DMXL2: variants seen among roughly 807,000 people sequenced by gnomAD.
The protein encoded by DMXL2 is dmX-like protein 2.
A neutral mutation model predicts 331.1 loss-of-function variants in DMXL2; 103 were observed. The observed-to-expected ratio is 0.31, with a 90% CI of 0.27 to 0.37. The LOEUF (loss-of-function observed/expected upper bound fraction) is 0.37, where lower values mean the gene tolerates loss of function less well. Among genes scored for constraint, DMXL2 ranks in the 10% least tolerant of loss-of-function variants. The pLI is 1.00. For synonymous variants in DMXL2, 1,281 were observed against 1,252.1 expected (o/e 1.02, Z -0.49); for missense variants, 3,171 against 3,642.9 (o/e 0.87, Z 3.33).
At chr15:51,616,947 A>T in intron 1 of DMXL2, among the ~76,000 whole-genome samples, 1 of 151,500 alleles carries the variant, frequency 6.6e-6, no homozygotes, top group Middle Eastern at 3.4e-3. Flanking sequence ...AAAAAAAAAA[A>T]AAAAAAAAAA....
intron 1 of DMXL2, among the ~76,000 whole-genome samples, chr15:51,614,024 C>T (rs1180676726): frequency 2.0e-5 from 3 of 152,092 alleles, no homozygotes; most frequent in South Asian, 2.1e-4. Flanking sequence ...TAACTACCAA[C>T]GTGACTGTGT....
At chr15:51,503,302 C>T (rs2043814598) in intron 16 of DMXL2, among the ~76,000 whole-genome samples, 1 of 152,002 alleles carries the variant, frequency 6.6e-6, no homozygotes, top group Non-Finnish European at 1.5e-5. Context: ...TCACAACAGC[C>T]AAGACATAAA....
chr15:51,575,971 A>ATACATAT (rs1440348167), intron 2 of DMXL2, 85 bp downstream of exon 2: 1 of 1,361,414 alleles, frequency 7.3e-7, no homozygotes, highest in East Asian at 2.3e-5. Flanking sequence ...AATTATACGC[A>ATACATAT]AGCTTTGCAT....
At position 51,538,988 on chromosome 15, in the gene DMXL2, T is replaced by C. The variant is rs1407523306; in HGVS notation, c.1106-536A>G. 2.6e-5 allele frequency among the ~76,000 whole-genome samples: 4 copies of C among 151,766 alleles called. No homozygotes were observed. The East Asian group carries it at 5.8e-4, about 22-fold the overall frequency. ...ATTTTGGGAGGGAGAGGCGGGTGGA[T>C]TGCCTGAGCTCAGGAGATCGAGACC... On this transcript the variant is annotated intron_variant, in intron 9 of 43. Transcript: ENST00000560891.
At chr15:51,566,240 T>G (rs1391487311) in intron 3 of DMXL2, among the ~76,000 whole-genome samples, 4 of 13,976 alleles carry the variant, frequency 2.9e-4, no homozygotes, top group African/African-American at 7.7e-4. Flanking sequence ...GGGGTGTGTG[T>G]GTGTGTGTGT....
chr15:51,569,984 C>A (rs1001019401), intron 2 of DMXL2, among the ~76,000 whole-genome samples: 1 of 152,022 alleles, frequency 6.6e-6, no homozygotes, highest in Admixed American at 6.6e-5. Context: ...TGGGTAATAA[C>A]AAACTCCTCC....
chr15:51,521,436 T>C (rs766511723), intron 13 of DMXL2, among the ~76,000 whole-genome samples: 16 of 148,980 alleles, frequency 1.1e-4, no homozygotes, highest in African/African-American at 5.0e-5. Flanking sequence ...GTAGTAGTAG[T>C]AGTAGTAGTA....
chr15:51,472,455 A>G (rs1313733074), intron 28 of DMXL2, among the ~76,000 whole-genome samples: 2 of 152,060 alleles, frequency 1.3e-5, no homozygotes, highest in Non-Finnish European at 2.9e-5. Flanking sequence ...TGCAACCACC[A>G]CCTCTATCTA....
chr15:51,577,507 C>T (rs998282420), intron 1 of DMXL2, among the ~76,000 whole-genome samples: 2 of 152,134 alleles, frequency 1.3e-5, no homozygotes, highest in Admixed American at 6.5e-5. Flanking sequence ...TGGAGAAAAT[C>T]ACTCACAGGA....
intron 23 of DMXL2, among the ~76,000 whole-genome samples, chr15:51,483,471 T>C (rs2140383983): frequency 6.6e-6 from 1 of 152,262 alleles, no homozygotes; most frequent in East Asian, 1.9e-4. Flanking sequence ...CATCACACTT[T>C]TGGTCAGAGA....
intron 42 of DMXL2, among the ~76,000 whole-genome samples, chr15:51,451,216 C>G (rs572100277): frequency 9.2e-5 from 14 of 152,264 alleles, no homozygotes; most frequent in Admixed American, 9.2e-4. Context: ...TAGCTTGACC[C>G]TAGGAGCTTG....
chr15:51,495,804 GA>G (rs2043133886), intron 18 of DMXL2, among the ~76,000 whole-genome samples: 1 of 151,222 alleles, frequency 6.6e-6, no homozygotes, highest in Admixed American at 6.6e-5. Flanking sequence ...TGACACTTTG[GA>G]AGTACTCAAT....
At chr15:51,607,105 C>G (rs1349010286) in intron 1 of DMXL2, among the ~76,000 whole-genome samples, 2 of 150,052 alleles carry the variant, frequency 1.3e-5, no homozygotes, top group African/African-American at 4.9e-5. Flanking sequence ...TTGCAGTAAG[C>G]TGAGATTGCT....
At chr15:51,587,267 A>G (rs2141211225) in intron 1 of DMXL2, among the ~76,000 whole-genome samples, 1 of 152,318 alleles carries the variant, frequency 6.6e-6, no homozygotes, top group Admixed American at 6.5e-5. Flanking sequence ...TGCTGCACCC[A>G]TTAACTCATC....
chr15:51,466,762 C>T (rs1056187873), intron 29 of DMXL2, among the ~76,000 whole-genome samples: 5 of 151,970 alleles, frequency 3.3e-5, no homozygotes, highest in African/African-American at 1.2e-4. Context: ...AGTTAATTTA[C>T]ACAGGCTTTA....
Position 51,536,794 on chromosome 15 carries a change from G to A in DMXL2, c.1686C>T (p.Ile562=). The A allele has an allele frequency of 6.2e-7, 1 of 1,613,852 alleles. No individual in the cohort carries two copies. Among genetic ancestry groups the A allele is most frequent in the South Asian group, 1.1e-5 (1 of 91,034 alleles). ...SGDASSLSKN[I]MMYACINATK... is the part of the protein sequence containing the mutation. ...TCGCATTTATACAGGCATACATCAT[G>A]ATATTTTTACTAAGAGAGCTTGCAT... The change falls in exon 12 of 44, where the codon ATC becomes ATT. Residue 562 remains isoleucine (I), a synonymous_variant. Coordinates refer to ENST00000560891, the MANE Select transcript of DMXL2 (RefSeq NM_001378457.1).
At position 51,495,128 on chromosome 15, in the gene DMXL2, T is replaced by C. The variant is rs760435607; in HGVS notation, c.4679A>G (p.Asp1560Gly). The part of the protein sequence containing the change: ...ESRDKSCSGR[D>G]TLDECGLRYL... ...TCTCAAACCACACTCATCTAATGTA[T>C]CTCTTCCTGTAATTTAAACAGGAAA... The change falls in exon 19 of 44, where the codon GAT becomes GGT. Residue 1560 changes from aspartate (D) to glycine (G), a missense_variant. By Grantham distance (94) the Asp-to-Gly change is moderately conservative. Transcript: ENST00000560891. 1.9e-5 allele frequency: 31 copies of C among 1,606,194 alleles called. No individual in the cohort carries two copies. The highest frequency in any genetic ancestry group is 1.7e-4 in the South Asian group (15 of 90,534).
At chr15:51,583,166 T>A (rs1156838552) in intron 1 of DMXL2, among the ~76,000 whole-genome samples, 1 of 125,020 alleles carries the variant, frequency 8.0e-6, no homozygotes, top group Non-Finnish European at 1.7e-5. Context: ...AGGGTACATG[T>A]GCACATTGTG....
chr15:51,551,160 T>C (rs1250674795), intron 6 of DMXL2, among the ~76,000 whole-genome samples: 1 of 152,132 alleles, frequency 6.6e-6, no homozygotes, highest in Non-Finnish European at 1.5e-5. Context: ...CTGTTCTTTT[T>C]ATCAGGATAA....
Sources: allele counts gnomAD v4.1 joint callset (sites outside exome capture counted in the v4.1 genomes callset), GRCh38; gene constraint gnomAD v4.1.1; transcripts MANE v1.5; gene names NCBI Gene and HGNC (gene_info 2026-07-23, HGNC 2026-07-21).